CSMD1: variants seen among roughly 807,000 people sequenced by gnomAD.
The protein encoded by CSMD1 is CUB and Sushi multiple domains 1, also known as CUB and sushi domain-containing protein 1.
In CSMD1, 213 loss-of-function variants were observed where a neutral mutation model predicts 417.5. The observed-to-expected ratio is 0.51, with a 90% CI of 0.46 to 0.57. The LOEUF (loss-of-function observed/expected upper bound fraction) is 0.57, where lower values mean the gene tolerates loss of function less well. Ranked by LOEUF, CSMD1 falls within the 20% of genes least tolerant of loss-of-function variation. The probability of loss-of-function intolerance (pLI) is 0.00; values close to 1 mark genes in which losing one functional copy is unlikely to be tolerated. For synonymous variants in CSMD1, 2,862 were observed against 1,736.8 expected, an observed-to-expected ratio of 1.65 and a Z score of -16.11; for missense variants, 6,923 against 4,529.7, an observed-to-expected ratio of 1.53 and a Z score of -15.17.
chr8:4,787,295 T>C (rs1019654820), intron 1 of CSMD1: 1 of 684,858 alleles, frequency 1.5e-6, no homozygotes, highest in Non-Finnish European at 2.7e-6. Flanking sequence ...CTGCCTCACT[T>C]ACCGGCGCGG....
intron 5 of CSMD1, among the ~76,000 whole-genome samples, chr8:3,765,652 T>G (rs1011522772): frequency 6.6e-6 from 1 of 152,210 alleles, no homozygotes; most frequent in Admixed American, 6.5e-5. Flanking sequence ...TGATAAAGCA[T>G]TAAGAACAGT....
intron 12 of CSMD1, among the ~76,000 whole-genome samples, chr8:3,436,934 A>T (rs1021061576): frequency 2.6e-5 from 4 of 152,190 alleles, no homozygotes; most frequent in Non-Finnish European, 5.9e-5. Context: ...CTCCAAAAAA[A>T]AGAGTGTGAA....
intron 60 of CSMD1, among the ~76,000 whole-genome samples, 163 bp from the exon 61 acceptor site, chr8:2,962,802 A>T (rs558505407): frequency 5.9e-5 from 9 of 152,280 alleles, no homozygotes; most frequent in African/African-American, 1.7e-4. Flanking sequence ...TAATCCCAAC[A>T]CTTTGGGAGG....
intron 1 of CSMD1, among the ~76,000 whole-genome samples, chr8:4,648,695 A>G (rs1803690913): frequency 1.3e-5 from 2 of 152,156 alleles, no homozygotes. Context: ...TTTAACATTT[A>G]CAGTTGTGCT....
At chr8:4,096,326 A>C (rs1801007196) in intron 3 of CSMD1, among the ~76,000 whole-genome samples, 1 of 152,132 alleles carries the variant, frequency 6.6e-6, no homozygotes, top group Non-Finnish European at 1.5e-5. Flanking sequence ...AGAGGAAACA[A>C]CCCAGAAATA....
intron 3 of CSMD1, among the ~76,000 whole-genome samples, chr8:4,239,695 T>C (rs1422888659): frequency 1.3e-5 from 2 of 152,298 alleles, no homozygotes; most frequent in African/African-American, 4.8e-5. Context: ...AACATCGCAT[T>C]ATGTTGTTTT....
chr8:3,271,461 G>C (rs538986713), intron 26 of CSMD1, among the ~76,000 whole-genome samples: 1 of 149,574 alleles, frequency 6.7e-6, no homozygotes, highest in Admixed American at 6.7e-5. Flanking sequence ...GGATGGCTGG[G>C]TCAAATGGTA....
chr8:3,804,227 A>G (rs1436352245), intron 5 of CSMD1, among the ~76,000 whole-genome samples: 1 of 152,068 alleles, frequency 6.6e-6, no homozygotes, highest in African/African-American at 2.4e-5. Context: ...CCACTACACC[A>G]AGCCTAGAGA....
chr8:4,035,357 C>A (rs549145313), intron 3 of CSMD1, among the ~76,000 whole-genome samples: 1 of 152,120 alleles, frequency 6.6e-6, no homozygotes, highest in Admixed American at 6.6e-5. Context: ...CTATACTATA[C>A]TTTTTATCAT....
chr8:3,257,329 C>G (rs890160452), intron 26 of CSMD1, among the ~76,000 whole-genome samples: 1 of 152,212 alleles, frequency 6.6e-6, no homozygotes, highest in Non-Finnish European at 1.5e-5. Flanking sequence ...CATCTCAAAA[C>G]AAACAGAAAA....
intron 3 of CSMD1, among the ~76,000 whole-genome samples, chr8:4,361,247 G>C (rs1281304970): frequency 6.6e-6 from 1 of 151,996 alleles, no homozygotes. Context: ...AAGCAGGAAG[G>C]AAAAGGCGTA....
At chr8:4,435,030 A>G (rs1798076186) in intron 2 of CSMD1, among the ~76,000 whole-genome samples, 1 of 152,206 alleles carries the variant, frequency 6.6e-6, no homozygotes, top group African/African-American at 2.4e-5. Context: ...TAAGAAGCCA[A>G]TACTGTTGAA....
chr8:3,593,113 G>A (rs970555380), intron 8 of CSMD1, among the ~76,000 whole-genome samples: 18 of 152,314 alleles, frequency 1.2e-4, no homozygotes, highest in South Asian at 4.1e-4. Flanking sequence ...TCTGGCTACC[G>A]CCAGAACTTG....
chr8:3,421,891 G>C (rs558571000), intron 12 of CSMD1, among the ~76,000 whole-genome samples: 1 of 146,682 alleles, frequency 6.8e-6, no homozygotes, highest in Non-Finnish European at 1.5e-5. Flanking sequence ...ACCCACCTTG[G>C]CCGCCCAAAG....
At chr8:3,393,658 C>G (rs1811483140) in intron 17 of CSMD1, among the ~76,000 whole-genome samples, 1 of 151,898 alleles carries the variant, frequency 6.6e-6, no homozygotes, top group African/African-American at 2.4e-5. Flanking sequence ...AGTATGCAAC[C>G]ATAAAAATTG....
chr8:4,088,351 G>A (rs1433120488), intron 3 of CSMD1, among the ~76,000 whole-genome samples: 1 of 152,206 alleles, frequency 6.6e-6, no homozygotes, highest in Non-Finnish European at 1.5e-5. Context: ...TTGCAGCACA[G>A]AAGACGGAAA....
chr8:4,662,383 A>C (rs1028061059), intron 1 of CSMD1, among the ~76,000 whole-genome samples: 1 of 152,160 alleles, frequency 6.6e-6, no homozygotes, highest in Non-Finnish European at 1.5e-5. Flanking sequence ...GAAATTGCTG[A>C]GGAAAAGGCA....
rs78861858 is a variant in CSMD1, at chr8:3,909,257, A to C, written c.818+88646T>G. ...TGGCTTGGAGGAGATGTAGACCCAA[A>C]AGGTGTCAGTGTTGAGGCACTTTCC... On this transcript the variant is annotated intron_variant, in intron 5 of 69. Transcript: ENST00000635120. 1.6e-3 allele frequency among the ~76,000 whole-genome samples: 245 copies of C among 152,230 alleles called. 1 individual carries two copies. The highest frequency in any genetic ancestry group is 5.6e-3 in the African/African-American group (232 of 41,532).
intron 26 of CSMD1, among the ~76,000 whole-genome samples, chr8:3,232,217 A>G (rs1467980): frequency 0.16 from 24,794 of 152,172 alleles, 2,263 homozygotes; most frequent in South Asian, 0.27. Context: ...GTGACTATAA[A>G]TGTATGCATT....
Sources: allele counts gnomAD v4.1 joint callset (sites outside exome capture counted in the v4.1 genomes callset), GRCh38; gene constraint gnomAD v4.1.1; transcripts MANE v1.5; gene names NCBI Gene and HGNC (gene_info 2026-07-23, HGNC 2026-07-21).